GPC5: variants seen among roughly 807,000 people sequenced by gnomAD.
GPC5 encodes the protein glypican 5.
A neutral mutation model predicts 53.9 loss-of-function variants in GPC5; 47 were observed. The observed-to-expected ratio is 0.87, with a 90% CI of 0.69 to 1.11. The LOEUF (loss-of-function observed/expected upper bound fraction) is 1.11. Among genes scored for constraint, GPC5 ranks in the 50% most tolerant of loss-of-function variants. The pLI is 0.00. For synonymous variants in GPC5, 286 were observed against 263.3 expected, an observed-to-expected ratio of 1.09 and a Z score of -0.84; for missense variants, 748 against 713.1, an observed-to-expected ratio of 1.05 and a Z score of -0.56.
intron 7 of GPC5, among the ~76,000 whole-genome samples, chr13:92,517,163 G>A (rs1880823637): frequency 6.6e-6 from 1 of 152,126 alleles, no homozygotes; most frequent in Non-Finnish European, 1.5e-5. Context: ...GCTTGTGTAG[G>A]TAAATAAAGT....
Position 92,426,979 on chromosome 13 carries a change from G to A in GPC5, c.1561+281990G>A, listed in dbSNP as rs188643827. On this transcript the variant is annotated intron_variant, in intron 7 of 7. Coordinates refer to ENST00000377067, the MANE Select transcript of GPC5 (RefSeq NM_004466.6). Reference sequence around the variant, plus strand: ...CTATAATGAGCTTGTGATGAGAGACGAATCTGTTCTTCTGACCATTACATA... The same window carrying A: ...CTATAATGAGCTTGTGATGAGAGACAAATCTGTTCTTCTGACCATTACATA... Among the ~76,000 whole-genome samples the A allele has an allele frequency of 1.7e-4, 26 of 151,986 alleles. No homozygotes were observed. In the East Asian group the frequency reaches 2.1e-3, roughly 12 times the overall value.
chr13:92,780,101 CTGTT>C (rs1276338814), intron 7 of GPC5, among the ~76,000 whole-genome samples: 1 of 151,986 alleles, frequency 6.6e-6, no homozygotes, highest in African/African-American at 2.4e-5. Flanking sequence ...ATATTCCAGT[CTGTT>C]TGCAGTACAG....
At chr13:92,052,899 C>T (rs2041042055) in intron 6 of GPC5, among the ~76,000 whole-genome samples, 1 of 152,124 alleles carries the variant, frequency 6.6e-6, no homozygotes, top group Non-Finnish European at 1.5e-5. Flanking sequence ...TAGGAACCCT[C>T]AAGGGTCCCG....
At chr13:92,706,068 C>T (rs73623303) in intron 7 of GPC5, 140 of 152,014 alleles carry the variant, frequency 9.2e-4, no homozygotes, top group Middle Eastern at 3.4e-3. Flanking sequence ...GCCTGTGTCA[C>T]AAAAAGAAAG....
intron 6 of GPC5, among the ~76,000 whole-genome samples, chr13:92,088,353 A>T (rs2041352339): frequency 6.6e-6 from 1 of 152,174 alleles, no homozygotes; most frequent in Non-Finnish European, 1.5e-5. Context: ...AATATCTCTG[A>T]AAAGGAGAAG....
intron 2 of GPC5, among the ~76,000 whole-genome samples, chr13:91,602,982 A>G (rs957677965): frequency 1.3e-5 from 2 of 152,214 alleles, no homozygotes; most frequent in Non-Finnish European, 2.9e-5. Flanking sequence ...ACCAATGTAC[A>G]TGAGGAATGA....
At chr13:92,805,155 CACAA>C (rs1307853108) in intron 7 of GPC5, among the ~76,000 whole-genome samples, 2 of 152,028 alleles carry the variant, frequency 1.3e-5, no homozygotes, top group Non-Finnish European at 2.9e-5. Context: ...ATCCATGAAT[CACAA>C]ACGTTATTAA....
At chr13:92,460,125 G>A (rs926539199) in intron 7 of GPC5, among the ~76,000 whole-genome samples, 4 of 151,874 alleles carry the variant, frequency 2.6e-5, no homozygotes, top group Non-Finnish European at 4.4e-5. Flanking sequence ...ACAGTCTCCA[G>A]CTGAACATGC....
chr13:92,224,881 T>C (rs1159217228), intron 7 of GPC5, among the ~76,000 whole-genome samples: 2 of 152,214 alleles, frequency 1.3e-5, no homozygotes, highest in Non-Finnish European at 2.9e-5. Context: ...TTACTGATTT[T>C]TACTTTTTAG....
chr13:92,418,158 A>T (rs1259212558), intron 7 of GPC5, among the ~76,000 whole-genome samples: 1 of 152,154 alleles, frequency 6.6e-6, no homozygotes, highest in Non-Finnish European at 1.5e-5. Context: ...GATGGCTGGG[A>T]TGTGGGAAAG....
intron 2 of GPC5, among the ~76,000 whole-genome samples, chr13:91,579,838 G>T (rs1265159581): frequency 6.6e-6 from 1 of 151,564 alleles, no homozygotes; most frequent in Non-Finnish European, 1.5e-5. Context: ...TGTTGGCCTG[G>T]TTGGTCTCGA....
intron 5 of GPC5, among the ~76,000 whole-genome samples, chr13:91,789,283 A>C (rs2037926805): frequency 6.6e-6 from 1 of 152,216 alleles, no homozygotes. Flanking sequence ...AAGGTGAATA[A>C]GAAAGTTAAT....
intron 1 of GPC5, among the ~76,000 whole-genome samples, chr13:91,443,929 T>C (rs765024295): frequency 6.6e-6 from 1 of 152,194 alleles, no homozygotes; most frequent in Non-Finnish European, 1.5e-5. Context: ...AGGATAGAAT[T>C]AGAACATTCC....
intron 6 of GPC5, among the ~76,000 whole-genome samples, chr13:91,920,886 C>A (rs898941160): frequency 7.1e-6 from 1 of 140,224 alleles, no homozygotes; most frequent in Non-Finnish European, 1.5e-5. Flanking sequence ...GCAACTTGTA[C>A]CACTTTATCC....
chr13:92,418,421 G>T (rs16947574), intron 7 of GPC5, among the ~76,000 whole-genome samples: 8,166 of 152,216 alleles, frequency 0.054, 306 homozygotes, highest in East Asian at 0.16. Flanking sequence ...ATTTGGAAAA[G>T]GTAGTTTAGG....
intron 7 of GPC5, among the ~76,000 whole-genome samples, chr13:92,611,575 A>C (rs747657749): frequency 6.7e-6 from 1 of 148,594 alleles, no homozygotes; most frequent in South Asian, 2.1e-4. Context: ...GGAATCTGTT[A>C]GTAGTCCTCA....
chr13:91,513,263 T>G (rs1431567018), intron 2 of GPC5, among the ~76,000 whole-genome samples: 1 of 152,218 alleles, frequency 6.6e-6, no homozygotes, highest in Non-Finnish European at 1.5e-5. Flanking sequence ...GGTGAGATTT[T>G]TATGATTGTA....
chr13:92,531,952 T>G (rs1324507382), intron 7 of GPC5, among the ~76,000 whole-genome samples: 1 of 152,224 alleles, frequency 6.6e-6, no homozygotes, highest in Non-Finnish European at 1.5e-5. Flanking sequence ...TACAGTGTCA[T>G]TAAGTTACCT....
intron 2 of GPC5, among the ~76,000 whole-genome samples, chr13:91,527,813 C>T (rs968534437): frequency 1.3e-5 from 2 of 152,244 alleles, no homozygotes; most frequent in East Asian, 3.9e-4. Context: ...TGGCCCAGCA[C>T]CACATGCAAG....
Sources: allele counts gnomAD v4.1 joint callset (sites outside exome capture counted in the v4.1 genomes callset), GRCh38; gene constraint gnomAD v4.1.1; transcripts MANE v1.5; gene names NCBI Gene and HGNC (gene_info 2026-07-23, HGNC 2026-07-21).